Variants in IGSF11 observed in about 807,000 individuals in gnomAD.
The protein encoded by IGSF11 is CXADR like 1.
In IGSF11, 22 loss-of-function variants were observed where a neutral mutation model predicts 41.0. The ratio of observed to expected loss-of-function variants is 0.54; its 90% CI spans 0.38 to 0.77. The LOEUF (loss-of-function observed/expected upper bound fraction) is 0.77, where lower values mean the gene tolerates loss of function less well. Among genes scored for constraint, IGSF11 ranks in the 30% least tolerant of loss-of-function variants. The probability of loss-of-function intolerance (pLI) is 0.00; values close to 1 mark genes in which losing one functional copy is unlikely to be tolerated. For synonymous variants in IGSF11, 219 were observed against 201.3 expected (o/e 1.09, Z -0.74); for missense variants, 444 against 530.8 (o/e 0.84, Z 1.61).
intron 1 of IGSF11, among the ~76,000 whole-genome samples, chr3:119,052,397 A>T (rs570479839): frequency 6.9e-6 from 1 of 144,750 alleles, no homozygotes; most frequent in African/African-American, 2.5e-5. Context: ...GGAGAATCAC[A>T]TCTGTCACAA....
At chr3:119,024,632 C>T (rs569936194) in intron 1 of IGSF11, among the ~76,000 whole-genome samples, 101 of 152,242 alleles carry the variant, frequency 6.6e-4, no homozygotes, top group African/African-American at 2.3e-3. Context: ...TCCTCCATAG[C>T]TTTCAGTTTA....
At chr3:119,108,065 A>T (rs2077068035), upstream of IGSF11, among the ~76,000 whole-genome samples, 1 of 151,602 alleles carries the variant, frequency 6.6e-6, no homozygotes, top group South Asian at 2.1e-4. Context: ...TGACTTGGCA[A>T]TGCGGGCTCT....
intron 1 of IGSF11, among the ~76,000 whole-genome samples, chr3:118,954,374 T>C (rs892811056): frequency 6.6e-6 from 1 of 152,082 alleles, no homozygotes; most frequent in Non-Finnish European, 1.5e-5. Flanking sequence ...CTTAGCCTTG[T>C]TTGGCTATGA....
intron 1 of IGSF11, among the ~76,000 whole-genome samples, chr3:119,042,321 G>A (rs1462372632): frequency 3.9e-5 from 6 of 152,208 alleles, no homozygotes; most frequent in Admixed American, 1.3e-4. Context: ...GCAGGGAGGG[G>A]CGAAGCCTGA....
intron 1 of IGSF11, among the ~76,000 whole-genome samples, chr3:118,938,289 G>GA (rs1943430730): frequency 2.6e-5 from 4 of 152,052 alleles, no homozygotes; most frequent in South Asian, 2.1e-4. Flanking sequence ...ATCCCCTTTT[G>GA]GGGGGCATTT....
At chr3:119,069,595 T>G (rs1030173336) in intron 1 of IGSF11, among the ~76,000 whole-genome samples, 1 of 152,154 alleles carries the variant, frequency 6.6e-6, no homozygotes. Flanking sequence ...GGGTAGGTGA[T>G]AGAAAACTGC....
At chr3:119,042,550 C>T (rs1340277410) in intron 1 of IGSF11, among the ~76,000 whole-genome samples, 1 of 152,088 alleles carries the variant, frequency 6.6e-6, no homozygotes, top group African/African-American at 2.4e-5. Flanking sequence ...AGCCATAATC[C>T]CCCTGGGAAC....
chr3:118,965,804 T>C (rs894861087), intron 1 of IGSF11, among the ~76,000 whole-genome samples: 2 of 152,154 alleles, frequency 1.3e-5, no homozygotes, highest in Admixed American at 1.3e-4. Flanking sequence ...ATGTTATGTT[T>C]GGAATTAGGG....
chr3:119,134,929 C>T (rs2077539034), intron 1 of IGSF11, among the ~76,000 whole-genome samples: 3 of 152,144 alleles, frequency 2.0e-5, no homozygotes, highest in African/African-American at 7.2e-5. Flanking sequence ...ACCATCTGAT[C>T]TTTGACAAAC....
intron 1 of IGSF11, among the ~76,000 whole-genome samples, chr3:118,983,975 T>C (rs1259676285): frequency 6.6e-6 from 1 of 152,132 alleles, no homozygotes; most frequent in Non-Finnish European, 1.5e-5. Context: ...GGGTAAGTCA[T>C]GGTAGGGGGA....
chr3:119,091,012 A>G (rs531397120), intron 1 of IGSF11, among the ~76,000 whole-genome samples: 1 of 152,370 alleles, frequency 6.6e-6, no homozygotes, highest in South Asian at 2.1e-4. Flanking sequence ...AACTTAAGGA[A>G]AAAACAAATA....
intron 4 of IGSF11, among the ~76,000 whole-genome samples, chr3:118,907,162 T>G (rs1327384692): frequency 1.3e-5 from 2 of 152,236 alleles, no homozygotes; most frequent in Non-Finnish European, 2.9e-5. Flanking sequence ...TATTTTTACA[T>G]GGAACTAAGA....
At chr3:119,042,003 T>G (rs1010274048) in intron 1 of IGSF11, among the ~76,000 whole-genome samples, 1 of 152,210 alleles carries the variant, frequency 6.6e-6, no homozygotes, top group Non-Finnish European at 1.5e-5. Context: ...ATAGGCCAAT[T>G]TTTCTTATGC....
chr3:119,045,898 C>T (rs536137107), intron 1 of IGSF11, among the ~76,000 whole-genome samples: 1 of 152,118 alleles, frequency 6.6e-6, no homozygotes, highest in East Asian at 1.9e-4. Flanking sequence ...ACACCTCACA[C>T]TCCAGGGTAC....
chr3:119,045,433 C>T (rs932869891), intron 1 of IGSF11, among the ~76,000 whole-genome samples: 4 of 152,210 alleles, frequency 2.6e-5, no homozygotes, highest in Non-Finnish European at 5.9e-5. Flanking sequence ...TGCGCTTTTG[C>T]GACGGGCTTA....
intron 1 of IGSF11, among the ~76,000 whole-genome samples, chr3:119,129,285 T>A (rs920979882): frequency 1.3e-5 from 2 of 152,100 alleles, no homozygotes; most frequent in Non-Finnish European, 2.9e-5. Flanking sequence ...ATCCCGTTTC[T>A]TTTTTAGAAG....
At chr3:119,000,063 C>CT (rs1297321950) in intron 1 of IGSF11, among the ~76,000 whole-genome samples, 7,990 of 98,728 alleles carry the variant, frequency 0.081, 466 homozygotes, top group African/African-American at 0.16. Flanking sequence ...ATTCATTATT[C>CT]TTTTTTTTTT....
chr3:118,998,715 T>C (rs2107665374), intron 1 of IGSF11, among the ~76,000 whole-genome samples: 1 of 152,068 alleles, frequency 6.6e-6, no homozygotes, highest in African/African-American at 2.4e-5. Flanking sequence ...CAGACTAAGG[T>C]TTTTATTTAT....
rs368839156 is a variant in IGSF11 at position 118,948,927 on chromosome 3, G to A, written c.53-18652C>T. Among the ~76,000 whole-genome samples, 195 of 149,416 alleles carry A rather than the reference G, an allele frequency of 1.3e-3. 1 individual carries two copies. The highest frequency in any genetic ancestry group is 3.6e-3 in the African/African-American group (147 of 40,378). On this transcript the variant is annotated intron_variant, in intron 1 of 6. Transcript: ENST00000393775. The stretch of plus-strand genomic sequence containing the variant: ...GCGGAGCTTGCAGTGAGCCGAGATC[G>A]CGCCACTGCCCTCCAGCCTGGGCGA...
Sources: gnomAD v4.1 joint callset for allele counts (sites outside exome capture counted in the v4.1 genomes callset) on GRCh38, gnomAD v4.1.1 for gene constraint, MANE v1.5 for transcripts, NCBI Gene and HGNC (gene_info 2026-07-23, HGNC 2026-07-21) for gene names.